Variants in DAPK2 observed in about 807,000 individuals in gnomAD.
DAPK2 encodes death associated protein kinase 2.
Under a neutral mutation model 44.1 loss-of-function variants are expected in DAPK2, and 35 were observed. That is an observed-to-expected ratio of 0.79 (90% CI 0.61 to 1.05). The LOEUF is 1.05. DAPK2 is among the 50% of genes least tolerant of loss of function. DAPK2 has a pLI of 0.00. For synonymous variants in DAPK2, 174 were observed against 182.6 expected, an observed-to-expected ratio of 0.95 and a Z score of 0.38; for missense variants, 453 against 483.2, an observed-to-expected ratio of 0.94 and a Z score of 0.59.
In DAPK2 at chr15:63,980,019, G is replaced by A. The variant is rs773408964; in HGVS notation, c.314+3514C>T. Among the ~76,000 whole-genome samples the A allele has an allele frequency of 1.1e-4, 16 of 152,170 alleles. No homozygotes were observed. The highest frequency in any genetic ancestry group is 2.4e-4 in the African/African-American group (10 of 41,442). On this transcript the variant is annotated intron_variant, in intron 2 of 10. Coordinates refer to ENST00000261891, the Ensembl canonical transcript of DAPK2. The surrounding 1 kb of genome is among the most constrained non-coding windows in gnomAD (Gnocchi z 4.3). ...CATGGGTTAGGGACAGTCTTGGAAC[G>A]CTTGGGTCTTCTCCAATCTCATAAA...
chr15:63,912,331 C>T lies in DAPK2; in HGVS notation c.859-134G>A, dbSNP rs1192045900. 2 of 783,952 alleles carry T rather than the reference C, an allele frequency of 2.6e-6. No homozygotes were observed. The highest frequency in any genetic ancestry group is 5.3e-5 in the East Asian group (2 of 37,658). 48.6% of individuals were successfully genotyped at this position (783,952 alleles called of 1,614,324 possible). The stretch of plus-strand genomic sequence containing the variant: ...CCTGGCATCTCCCCGCCAGGTGGGG[C>T]ACACCGTGGGAGCATCACAGTCAGG... On this transcript the variant is annotated intron_variant, in intron 8 of 10. Coordinates refer to ENST00000261891, the Ensembl canonical transcript of DAPK2. This position sits in a 1 kb window ranked among gnomAD's most constrained non-coding sequence, Gnocchi z 4.4.
At chr15:64,014,355 G>A (rs1362854851) in intron 1 of DAPK2, among the ~76,000 whole-genome samples, 1 of 152,210 alleles carries the variant, frequency 6.6e-6, no homozygotes, top group Non-Finnish European at 1.5e-5. Flanking sequence ...ACAGTGTTCT[G>A]CCTGAAAAGG....
chr15:63,934,574 T>C (rs1221271043), intron 4 of DAPK2, among the ~76,000 whole-genome samples: 1 of 152,010 alleles, frequency 6.6e-6, no homozygotes, highest in Non-Finnish European at 1.5e-5. Flanking sequence ...TTGTTTTGTG[T>C]TTTGAGACAG....
intron 1 of DAPK2, chr15:63,991,170 G>A (rs2078806012): frequency 2.2e-6 from 1 of 453,430 alleles, no homozygotes; most frequent in East Asian, 7.0e-5. Flanking sequence ...TGAGGTCAGA[G>A]CAGGAAACAG....
At chr15:63,948,173 A>C (rs1292933627) in intron 3 of DAPK2, among the ~76,000 whole-genome samples, 1 of 143,574 alleles carries the variant, frequency 7.0e-6, no homozygotes, top group African/African-American at 2.6e-5. Context: ...TCAGAGGCTG[A>C]GGTAGGAGAA....
chr15:63,994,162 G>A (rs554731916), intron 1 of DAPK2, among the ~76,000 whole-genome samples: 3 of 152,232 alleles, frequency 2.0e-5, no homozygotes, highest in South Asian at 2.1e-4. Flanking sequence ...CAGCCTGTAA[G>A]AGCCTGGAGA....
rs2078919420 is a variant in DAPK2, at chr15:63,916,105, T to G, written c.859-3908A>C. The G allele has an allele frequency of 6.6e-6, 1 of 152,062 alleles. No homozygotes were observed. The highest frequency in any genetic ancestry group is 1.5e-5 in the Non-Finnish European group (1 of 68,058). The allele number at this position is 152,062 out of a possible 1,614,324, so 9.4% of individuals were successfully genotyped here. A position where few individuals can be genotyped will look rare whatever the true frequency, so the allele number is the denominator to read the frequency against. On this transcript the variant is annotated intron_variant, in intron 8 of 10. Coordinates refer to ENST00000261891, the Ensembl canonical transcript of DAPK2. This position sits in a 1 kb window ranked among gnomAD's most constrained non-coding sequence, Gnocchi z 4.7. ...GCTCCTAGGAGTGTGTTTGGTGTCT[T>G]GGAAAAATGTCCAAAAGGGAAGCAA...
chr15:63,948,781 T>A (rs1182685177), intron 3 of DAPK2, among the ~76,000 whole-genome samples: 1 of 152,238 alleles, frequency 6.6e-6, no homozygotes, highest in East Asian at 1.9e-4. Flanking sequence ...TGTCTCATTT[T>A]GTCACAGTTT....
chr15:64,038,796 C>A lies in DAPK2; in HGVS notation c.92+1374G>T, dbSNP rs59028608. Among the ~76,000 whole-genome samples, 627 of 152,196 alleles carry A rather than the reference C, an allele frequency of 4.1e-3. 4 individuals carry two copies. The highest frequency in any genetic ancestry group is 0.015 in the African/African-American group (603 of 41,522). On this transcript the variant is annotated intron_variant, in intron 1 of 10. Transcript: ENST00000261891. ...AGACACTTGTGAAAAGAAAATAAAT[C>A]TTGGGGCCCCCACATCCCTAAGCTA... is the stretch of plus-strand genomic sequence containing the variant.
At chr15:63,940,692 A>G (rs12442413) in intron 3 of DAPK2, among the ~76,000 whole-genome samples, 40,741 of 152,042 alleles carry the variant, frequency 0.27, 6,723 homozygotes, top group Non-Finnish European at 0.36. Flanking sequence ...AGCCTGGGCA[A>G]CAGAGTGAGT....
At chr15:63,994,721 C>T (rs987881858) in intron 1 of DAPK2, among the ~76,000 whole-genome samples, 3 of 151,720 alleles carry the variant, frequency 2.0e-5, no homozygotes, top group Non-Finnish European at 4.4e-5. Flanking sequence ...TCCTGAGTAG[C>T]TGGGATTACA....
At chr15:64,034,655 TGTTC>T (rs1271195070) in intron 1 of DAPK2, among the ~76,000 whole-genome samples, 4 of 48,110 alleles carry the variant, frequency 8.3e-5, no homozygotes, top group Non-Finnish European at 2.2e-4. Flanking sequence ...CTTATCTGTT[TGTTC>T]GTTTGTTTGT....
chr15:64,002,114 T>A (rs947749535), intron 1 of DAPK2, among the ~76,000 whole-genome samples: 1 of 152,216 alleles, frequency 6.6e-6, no homozygotes. Context: ...GGACAGGTAT[T>A]GCCAACTCCT....
In DAPK2 at chr15:63,912,044, T is replaced by C. The variant is rs990043571; in HGVS notation, c.949-53A>G. On this transcript the variant is annotated intron_variant, in intron 9 of 10. Transcript: ENST00000261891. The surrounding 1 kb of genome is among the most constrained non-coding windows in gnomAD (Gnocchi z 4.4). ...CAGGTGAGAATGTGCATGGAGACCCTGGAGAGCCAGAAACCCCGCCCTAGC... is the reference window on the plus strand; with the variant it reads ...CAGGTGAGAATGTGCATGGAGACCCCGGAGAGCCAGAAACCCCGCCCTAGC... 1.8e-5 allele frequency: 28 copies of C among 1,596,964 alleles called. No homozygotes were observed. The highest frequency in any genetic ancestry group is 2.4e-5 in the Non-Finnish European group (28 of 1,171,402).
intron 7 of DAPK2, among the ~76,000 whole-genome samples, chr15:63,925,677 C>CGCGT (rs1207656973): frequency 8.2e-6 from 1 of 121,888 alleles, no homozygotes; most frequent in Admixed American, 8.5e-5. Flanking sequence ...TGACTTGTAG[C>CGCGT]GCACACACAC....
intron 4 of DAPK2, among the ~76,000 whole-genome samples, chr15:63,934,484 T>G (rs2140412958): frequency 6.6e-6 from 1 of 152,224 alleles, no homozygotes; most frequent in Non-Finnish European, 1.5e-5. Flanking sequence ...CTTGAACTCC[T>G]GACCTCAGGT....
Position 63,912,090 on chromosome 15 carries a change from C to G in DAPK2, c.948+18G>C, listed in dbSNP as rs1596379821. On this transcript the variant is annotated intron_variant, in intron 9 of 10. Coordinates refer to ENST00000261891, the Ensembl canonical transcript of DAPK2. This position sits in a 1 kb window ranked among gnomAD's most constrained non-coding sequence, Gnocchi z 4.4. The stretch of plus-strand genomic sequence containing the variant: ...CTAGCCCCCACCCTGTCCCCCGCCG[C>G]CCCAACCCTGGACACACCTTCCACC... The G allele has an allele frequency of 6.2e-7, 1 of 1,611,344 alleles. No homozygotes were observed.
intron 3 of DAPK2, among the ~76,000 whole-genome samples, chr15:63,962,516 C>T (rs1246229498): frequency 6.6e-6 from 1 of 152,212 alleles, no homozygotes; most frequent in South Asian, 2.1e-4. Context: ...TGGTGACGTA[C>T]AAATGGGGTT....
chr15:63,952,442 AGAG>A (rs1486720918), intron 3 of DAPK2, among the ~76,000 whole-genome samples: 8 of 152,166 alleles, frequency 5.3e-5, no homozygotes, highest in African/African-American at 1.7e-4. Context: ...TAGCACAAAC[AGAG>A]GAGAAGAGAG....
Sources: allele counts gnomAD v4.1 joint callset (sites outside exome capture counted in the v4.1 genomes callset), GRCh38; gene constraint gnomAD v4.1.1; non-coding constraint Gnocchi (gnomAD v3.1); transcripts MANE v1.5; gene names NCBI Gene and HGNC (gene_info 2026-07-23, HGNC 2026-07-21).